Variants in TENM3 observed in about 807,000 individuals in gnomAD.
The protein encoded by TENM3 is teneurin-3.
TENM3 carries 63 observed loss-of-function variants against 255.1 expected under a neutral mutation model. That is an observed-to-expected ratio of 0.25 (90% CI 0.20 to 0.30). The LOEUF (loss-of-function observed/expected upper bound fraction) is 0.30, where lower values mean the gene tolerates loss of function less well. Ranked by LOEUF, TENM3 falls within the 10% of genes least tolerant of loss-of-function variation. The pLI is 1.00. For synonymous variants in TENM3, 1,306 were observed against 1,322.3 expected (o/e 0.99, Z 0.27); for missense variants, 2,929 against 3,461.1 (o/e 0.85, Z 3.86).
chr4:181,762,930 G>A, the TENM3 span, among the ~76,000 whole-genome samples: 354 of 147,736 alleles, frequency 2.4e-3, 1 homozygote, highest in Admixed American at 4.6e-3. Flanking sequence ...AAAAAAAAAC[G>A]AGATTAATAC....
At chr4:181,565,382 T>A in the TENM3 span, among the ~76,000 whole-genome samples, 2 of 152,184 alleles carry the variant, frequency 1.3e-5, no homozygotes, top group Non-Finnish European at 2.9e-5. Context: ...GAGAATAAAT[T>A]TTACTGGATG....
rs185171943 is a variant in TENM3, at chr4:182,305,971, C to G, written c.-75-17975C>G. ...CCAAAGGGAGGGTGACCCTAGCCAT[C>G]TGGGAAGTGTGCAAGGCAGAAGCAC... On this transcript the variant is annotated intron_variant, in intron 1 of 27. Coordinates refer to ENST00000511685, the MANE Select transcript of TENM3 (RefSeq NM_001080477.4). 5.1e-4 allele frequency among the ~76,000 whole-genome samples: 78 copies of G among 152,184 alleles called. 1 individual carries two copies. Among genetic ancestry groups the G allele is most frequent in the South Asian group, 4.1e-4 (2 of 4,828 alleles).
At chr4:182,112,156 A>G in the TENM3 span, among the ~76,000 whole-genome samples, 3 of 152,096 alleles carry the variant, frequency 2.0e-5, no homozygotes, top group Non-Finnish European at 4.4e-5. Context: ...TCCTCTCTCT[A>G]AAAAATAAAA....
intron 3 of TENM3, among the ~76,000 whole-genome samples, chr4:182,526,137 G>A (rs187652240): frequency 2.0e-5 from 3 of 152,140 alleles, no homozygotes; most frequent in African/African-American, 7.2e-5. Flanking sequence ...GTGCCACCAC[G>A]CCCGGCTGAT....
the TENM3 span, among the ~76,000 whole-genome samples, chr4:181,476,952 C>T: frequency 6.6e-6 from 1 of 152,178 alleles, no homozygotes; most frequent in Non-Finnish European, 1.5e-5. Flanking sequence ...TGTGTTATCA[C>T]ATTGAGCTGA....
rs1205758409 is a variant in TENM3, at chr4:182,754,978, C to G, written c.4611C>G (p.Val1537=). 1 of 1,613,866 alleles carries G rather than the reference C, an allele frequency of 6.2e-7. No homozygotes were observed. Among genetic ancestry groups the G allele is most frequent in the Admixed American group, 1.7e-5 (1 of 60,014 alleles). Residue 1537 remains valine (V), a synonymous_variant, in exon 22 of 28, where the codon GTC becomes GTG. Coordinates refer to ENST00000511685, the MANE Select transcript of TENM3 (RefSeq NM_001080477.4). This position sits in a 1 kb window ranked among gnomAD's most constrained non-coding sequence, Gnocchi z 5.1. ...CTCACCAATATACTGTAAGTTTAGT[C>G]ACTGGTGATTACCTTTACAATTTTA... ...NGTHQYTVSL[V]TGDYLYNFSY... is the part of the protein sequence containing the mutation.
chr4:182,635,950 A>C (rs1453079563), intron 5 of TENM3, among the ~76,000 whole-genome samples: 2 of 152,184 alleles, frequency 1.3e-5, no homozygotes, highest in African/African-American at 4.8e-5. Context: ...TTCATGAAAA[A>C]TCAGCCATTT....
chr4:181,558,422 G>C, the TENM3 span, among the ~76,000 whole-genome samples: 1 of 152,204 alleles, frequency 6.6e-6, no homozygotes, highest in Non-Finnish European at 1.5e-5. Flanking sequence ...CCACAGCTCT[G>C]CTAAAATACA....
At chr4:181,949,023 A>G in the TENM3 span, among the ~76,000 whole-genome samples, 1 of 152,126 alleles carries the variant, frequency 6.6e-6, no homozygotes, top group African/African-American at 2.4e-5. Context: ...GCCAGTACAA[A>G]GGGGAGGCTA....
At chr4:182,157,613 G>T (rs552353434) in intron 1 of TENM3, among the ~76,000 whole-genome samples, 1 of 152,198 alleles carries the variant, frequency 6.6e-6, no homozygotes, top group Non-Finnish European at 1.5e-5. Context: ...GACTGCTCAG[G>T]TTCTAAAAGT....
At chr4:182,376,273 C>T (rs1295368740) in intron 3 of TENM3, among the ~76,000 whole-genome samples, 1 of 152,096 alleles carries the variant, frequency 6.6e-6, no homozygotes, top group Non-Finnish European at 1.5e-5. Context: ...TCCAGGTCTT[C>T]ATTAGTAATA....
intron 1 of TENM3, among the ~76,000 whole-genome samples, chr4:182,178,920 T>C (rs1381741052): frequency 2.0e-5 from 3 of 152,200 alleles, no homozygotes; most frequent in African/African-American, 7.2e-5. Flanking sequence ...CAGAAGTCAA[T>C]ATTGGAATGA....
chr4:182,092,164 G>T, the TENM3 span, among the ~76,000 whole-genome samples: 1 of 151,342 alleles, frequency 6.6e-6, no homozygotes, highest in Non-Finnish European at 1.5e-5. Context: ...ACATGGTGAA[G>T]CCCCATCTCT....
chr4:182,441,780 ACT>A (rs2151260170), intron 3 of TENM3, among the ~76,000 whole-genome samples: 1 of 151,758 alleles, frequency 6.6e-6, no homozygotes, highest in South Asian at 2.1e-4. Context: ...CCCACCTCTG[ACT>A]CCCAAAGTGC....
intron 24 of TENM3, among the ~76,000 whole-genome samples, chr4:182,778,072 A>C (rs1334824016): frequency 3.9e-5 from 6 of 152,008 alleles, no homozygotes; most frequent in Non-Finnish European, 8.8e-5. Flanking sequence ...TTTGCAGCTC[A>C]TTTTTTTAAA....
chr4:182,332,118 A>G (rs936552020), intron 2 of TENM3, among the ~76,000 whole-genome samples: 2 of 152,174 alleles, frequency 1.3e-5, no homozygotes, highest in Non-Finnish European at 2.9e-5. Flanking sequence ...AAATTCAGAA[A>G]ATAGATTTTA....
chr4:182,761,524 C>G (rs1198244195), intron 22 of TENM3, among the ~76,000 whole-genome samples: 1 of 152,136 alleles, frequency 6.6e-6, no homozygotes, highest in Non-Finnish European at 1.5e-5. Flanking sequence ...AACTGAAACA[C>G]TGAACCTTGC....
chr4:181,956,048 C>A, the TENM3 span, among the ~76,000 whole-genome samples: 1 of 152,138 alleles, frequency 6.6e-6, no homozygotes, highest in African/African-American at 2.4e-5. Flanking sequence ...GCTGGGAAGT[C>A]CACAATCAAG....
At chr4:182,782,245 G>T (rs1283685997) in intron 24 of TENM3, among the ~76,000 whole-genome samples, 1 of 93,176 alleles carries the variant, frequency 1.1e-5, no homozygotes, top group African/African-American at 5.8e-5. Context: ...AGAGATTCTG[G>T]TATGTTGTGT....
Sources: gnomAD v4.1 joint callset for allele counts (sites outside exome capture counted in the v4.1 genomes callset) on GRCh38, gnomAD v4.1.1 for gene constraint, Gnocchi (gnomAD v3.1) non-coding constraint, MANE v1.5 for transcripts, NCBI Gene and HGNC (gene_info 2026-07-23, HGNC 2026-07-21) for gene names.